EXOC4: variants seen among roughly 807,000 people sequenced by gnomAD.
The protein encoded by EXOC4 is SEC8-like 1.
EXOC4 carries 71 observed loss-of-function variants against 107.2 expected under a neutral mutation model. The observed-to-expected ratio is 0.66, with a 90% CI of 0.55 to 0.81. The LOEUF (loss-of-function observed/expected upper bound fraction) is 0.81, where lower values mean the gene tolerates loss of function less well. EXOC4 is among the 30% of genes least tolerant of loss of function. The pLI is 0.00. For synonymous variants in EXOC4, 456 were observed against 441.2 expected (o/e 1.03, Z -0.42); for missense variants, 1,108 against 1,189.6 (o/e 0.93, Z 1.01).
chr7:134,081,698 G>A, the EXOC4 span, among the ~76,000 whole-genome samples: 1 of 152,184 alleles, frequency 6.6e-6, no homozygotes, highest in Admixed American at 6.5e-5. Context: ...AGCAGCAAAG[G>A]TAGGTTCCCA....
Position 133,817,433 on chromosome 7 carries a change from G to A in EXOC4, c.1623G>A (p.Leu541=). 1 of 1,613,998 alleles carries A rather than the reference G, an allele frequency of 6.2e-7. No individual in the cohort carries two copies. The highest frequency in any genetic ancestry group is 8.5e-7 in the Non-Finnish European group (1 of 1,179,928). ...YIKNIFLNQV[L]AEINKEIEGV... The stretch of plus-strand genomic sequence containing the variant: ...AAAACATCTTTCTCAATCAAGTCTT[G>A]GCTGAGATCAACAAGGAGATTGAAG... Residue 541 remains leucine (L), a synonymous_variant, in exon 11 of 18, where the codon TTG becomes TTA. Coordinates refer to ENST00000253861, the MANE Select transcript of EXOC4 (RefSeq NM_021807.4).
intron 7 of EXOC4, among the ~76,000 whole-genome samples, chr7:133,381,125 A>T (rs966894446): frequency 6.6e-6 from 1 of 152,128 alleles, no homozygotes; most frequent in African/African-American, 2.4e-5. Context: ...AGCATAGAGC[A>T]TTTTTGAATA....
chr7:133,387,759 CACAAA>C (rs1031914019), intron 7 of EXOC4, among the ~76,000 whole-genome samples: 1 of 151,972 alleles, frequency 6.6e-6, no homozygotes, highest in Non-Finnish European at 1.5e-5. Flanking sequence ...TAAGACAAAA[CACAAA>C]ACAAAAACAC....
At chr7:133,449,460 T>C (rs980536271) in intron 7 of EXOC4, among the ~76,000 whole-genome samples, 1 of 152,200 alleles carries the variant, frequency 6.6e-6, no homozygotes, top group African/African-American at 2.4e-5. Flanking sequence ...TGTCTCAAGT[T>C]TTTTTCTGAG....
chr7:133,256,106 C>T (rs1209779245), intron 1 of EXOC4, among the ~76,000 whole-genome samples: 3 of 152,030 alleles, frequency 2.0e-5, no homozygotes, highest in Non-Finnish European at 2.9e-5. Flanking sequence ...CTCAACCTCC[C>T]GAGTAGCTGG....
At chr7:133,590,775 A>G (rs1801522509) in intron 9 of EXOC4, among the ~76,000 whole-genome samples, 1 of 152,278 alleles carries the variant, frequency 6.6e-6, no homozygotes, top group African/African-American at 2.4e-5. Context: ...AATCCCTTGC[A>G]TCTACCATCT....
At chr7:133,488,747 A>G (rs1395238112) in intron 9 of EXOC4, among the ~76,000 whole-genome samples, 1 of 152,052 alleles carries the variant, frequency 6.6e-6, no homozygotes, top group Non-Finnish European at 1.5e-5. Flanking sequence ...ATGCCCATAG[A>G]AAGAAGGATG....
At chr7:133,935,884 C>T (rs1800288728) in intron 13 of EXOC4, among the ~76,000 whole-genome samples, 1 of 152,080 alleles carries the variant, frequency 6.6e-6, no homozygotes, top group South Asian at 2.1e-4. Flanking sequence ...GAAATTTTCC[C>T]AATGAAAAGC....
At chr7:133,878,322 C>T (rs775765753) in intron 11 of EXOC4, among the ~76,000 whole-genome samples, 1 of 152,196 alleles carries the variant, frequency 6.6e-6, no homozygotes, top group African/African-American at 2.4e-5. Flanking sequence ...TCTTTAATCC[C>T]TAACAGTCAC....
chr7:133,683,756 G>A (rs1794236747), intron 10 of EXOC4, among the ~76,000 whole-genome samples: 1 of 151,968 alleles, frequency 6.6e-6, no homozygotes, highest in African/African-American at 2.4e-5. Context: ...CTTCAACCAC[G>A]AAGCAACTTT....
chr7:133,326,282 G>A (rs1382189628), intron 5 of EXOC4, among the ~76,000 whole-genome samples: 12 of 152,142 alleles, frequency 7.9e-5, no homozygotes, highest in Admixed American at 5.9e-4. Flanking sequence ...GGGGAGAGGC[G>A]CTCTGATTTT....
chr7:133,593,128 A>AT (rs1268340712), intron 9 of EXOC4, among the ~76,000 whole-genome samples: 3 of 152,272 alleles, frequency 2.0e-5, no homozygotes, highest in Admixed American at 6.5e-5. Flanking sequence ...GTCATTCTTG[A>AT]TTTTTTTGTG....
intron 1 of EXOC4, among the ~76,000 whole-genome samples, chr7:133,272,255 G>T (rs982011759): frequency 6.6e-6 from 1 of 152,130 alleles, no homozygotes; most frequent in Non-Finnish European, 1.5e-5. Context: ...TCTAACCCAG[G>T]CAGCTTTACT....
chr7:133,439,842 T>G (rs1798065626), intron 7 of EXOC4, among the ~76,000 whole-genome samples: 1 of 152,184 alleles, frequency 6.6e-6, no homozygotes, highest in African/African-American at 2.4e-5. Flanking sequence ...CACTGTTGAA[T>G]TGTGTAATGT....
intron 14 of EXOC4, among the ~76,000 whole-genome samples, chr7:133,977,816 A>G (rs1793878507): frequency 6.6e-6 from 1 of 152,044 alleles, no homozygotes; most frequent in South Asian, 2.1e-4. Flanking sequence ...ATTTTACTGT[A>G]AAGTCTGAAT....
intron 17 of EXOC4, among the ~76,000 whole-genome samples, chr7:134,040,014 A>C (rs1479198339): frequency 6.6e-6 from 1 of 151,926 alleles, no homozygotes; most frequent in Non-Finnish European, 1.5e-5. Flanking sequence ...AATTGCCAAC[A>C]CCTCTCTATG....
chr7:134,059,833 G>C (rs75763692), intron 17 of EXOC4, among the ~76,000 whole-genome samples: 3,812 of 152,230 alleles, frequency 0.025, 119 homozygotes, highest in African/African-American at 0.076. Context: ...AAATCTTTCT[G>C]TATGGCCCAT....
intron 17 of EXOC4, among the ~76,000 whole-genome samples, chr7:134,028,427 A>C (rs1056256660): frequency 1.3e-5 from 2 of 152,228 alleles, no homozygotes; most frequent in African/African-American, 4.8e-5. Context: ...CACAATTACT[A>C]TCAAAATTCT....
At position 133,554,767 on chromosome 7, in the gene EXOC4, G is replaced by A. The variant is rs116667914; in HGVS notation, c.1417+74629G>A. 2.4e-3 allele frequency among the ~76,000 whole-genome samples: 372 copies of A among 152,160 alleles called. 5 individuals carry two copies. Among genetic ancestry groups the A allele is most frequent in the African/African-American group, 8.4e-3 (348 of 41,510 alleles). ...AATTGGCACATTGTATTATAATTTCGCATTTATACATTTATGTCTCCAACT... is the reference window on the plus strand; with the variant it reads ...AATTGGCACATTGTATTATAATTTCACATTTATACATTTATGTCTCCAACT... On this transcript the variant is annotated intron_variant, in intron 9 of 17. Coordinates refer to ENST00000253861, the MANE Select transcript of EXOC4 (RefSeq NM_021807.4).
Sources: allele counts gnomAD v4.1 joint callset (sites outside exome capture counted in the v4.1 genomes callset), GRCh38; gene constraint gnomAD v4.1.1; transcripts MANE v1.5; gene names NCBI Gene and HGNC (gene_info 2026-07-23, HGNC 2026-07-21).